The following PAK4 variants were observed in gnomAD, a reference collection of about 807,000 sequenced individuals.
PAK4 encodes the protein serine/threonine-protein kinase PAK 4.
A neutral mutation model predicts 53.5 loss-of-function variants in PAK4; 49 were observed. The ratio of observed to expected loss-of-function variants is 0.92; its 90% CI spans 0.73 to 1.16. The LOEUF (loss-of-function observed/expected upper bound fraction) is 1.16. Among genes scored for constraint, PAK4 ranks in the 50% most tolerant of loss-of-function variants. PAK4 has a pLI of 0.00. For synonymous variants in PAK4, 376 were observed against 375.6 expected (o/e 1.00, Z -0.01); for missense variants, 824 against 850.7 (o/e 0.97, Z 0.39).
exon 3 of PAK4, chr19:39,172,920 C>G: frequency 6.5e-7 from 1 of 1,528,746 alleles, no homozygotes; most frequent in Non-Finnish European, 8.8e-7. Flanking sequence ...GACCCCAGAC[C>G]ATCGTGCGGG....
downstream of PAK4, chr19:39,181,899 TCAGACCAGCGGTTCTCACAGTGTGGTTCC>T (rs2074703782): frequency 7.0e-6 from 1 of 143,086 alleles, no homozygotes; most frequent in Admixed American, 7.0e-5. Context: ...TGCAACCAGG[TCAGACCAGCGGTTCTCACAGTGTGGTTCC>T]CAGACCAGCA....
Position 39,177,814 on chromosome 19 carries a change from GC to G in PAK4, c.1620+9del. ...CGACTGAAGAACCTGCACAAGGTAGGCCCCTCCCTGGCTGGGAAACTGTGCG... is the reference window on the plus strand; with the variant it reads ...CGACTGAAGAACCTGCACAAGGTAGGCCCTCCCTGGCTGGGAAACTGTGCG... On this transcript the variant is annotated splice_donor_region_variant and intron_variant, in intron 8 of 8. Coordinates refer to ENST00000358301, the Ensembl canonical transcript of PAK4. 2 of 1,604,026 alleles carry G rather than the reference GC, an allele frequency of 1.2e-6. No individual in the cohort carries two copies. Among genetic ancestry groups the G allele is most frequent in the African/African-American group, 1.3e-5 (1 of 74,712 alleles).
At chr19:39,158,079 T>C (rs909329223) in intron 1 of PAK4, among the ~76,000 whole-genome samples, 2 of 76,972 alleles carry the variant, frequency 2.6e-5, no homozygotes, top group African/African-American at 7.1e-5. Context: ...AGCATGCATG[T>C]GTGTGTGTGC....
intron 2 of PAK4, among the ~76,000 whole-genome samples, chr19:39,170,153 C>T (rs192763054): frequency 9.9e-4 from 151 of 152,260 alleles, no homozygotes; most frequent in African/African-American, 2.9e-3. Context: ...AGGGTGACAG[C>T]CCCAAGTGGT....
rs1298305457 is a variant in PAK4, at chr19:39,144,187, TA to T, written c.-23+18269del. Among the ~76,000 whole-genome samples the T allele has an allele frequency of 1.9e-3, 287 of 151,194 alleles. 2 individuals carry two copies. Among genetic ancestry groups the T allele is most frequent in the Middle Eastern group, 6.8e-3 (2 of 294 alleles). ...TAGATTAGATAGATAGATAGATAGATAGATAGATATGGTTAAGTGAGTGGAC... is the reference window on the plus strand; with the variant it reads ...TAGATTAGATAGATAGATAGATAGATGATAGATATGGTTAAGTGAGTGGAC... On this transcript the variant is annotated intron_variant, in intron 1 of 8. Transcript: ENST00000358301.
chr19:39,166,988 C>G (rs908947810), intron 1 of PAK4, among the ~76,000 whole-genome samples: 6 of 152,230 alleles, frequency 3.9e-5, no homozygotes, highest in Admixed American at 3.3e-4. Flanking sequence ...CCCTTGCCCC[C>G]TTCCCTTGGG....
intron 1 of PAK4, among the ~76,000 whole-genome samples, chr19:39,126,701 C>A (rs1265665355): frequency 6.6e-6 from 1 of 152,100 alleles, no homozygotes; most frequent in Non-Finnish European, 1.5e-5. Context: ...GGAGTTCTGG[C>A]CCAGAGCCCT....
intron 1 of PAK4, among the ~76,000 whole-genome samples, chr19:39,138,769 G>A (rs2073862701): frequency 6.6e-6 from 1 of 152,218 alleles, no homozygotes; most frequent in Admixed American, 6.5e-5. Flanking sequence ...GATTTCAAGG[G>A]CTAATTAAAG....
chr19:39,152,566 T>C (rs758233134), intron 1 of PAK4, among the ~76,000 whole-genome samples: 4 of 152,102 alleles, frequency 2.6e-5, no homozygotes, highest in Non-Finnish European at 4.4e-5. Flanking sequence ...AGCTTTACAG[T>C]AAGAACGAAC....
chr19:39,176,394 GC>G, intron 6 of PAK4, 195 bp from the exon 8 acceptor site: 1 of 686,340 alleles, frequency 1.5e-6, no homozygotes, highest in Non-Finnish European at 2.5e-6. Flanking sequence ...GAGGTGACTT[GC>G]CCGAGGGCCC....
intron 1 of PAK4, 113 bp downstream of exon 1, chr19:39,126,032 G>A (rs980098661): frequency 1.3e-5 from 2 of 152,764 alleles, no homozygotes; most frequent in African/African-American, 2.4e-5. Flanking sequence ...CTGGTGGAGG[G>A]AAGGGTCGCG....
In PAK4 at chr19:39,161,286, A is replaced by G. The variant is rs2074279860; in HGVS notation, c.-22-8246A>G. On this transcript the variant is annotated intron_variant, in intron 1 of 8. Coordinates refer to ENST00000358301, the Ensembl canonical transcript of PAK4. This position sits in a 1 kb window ranked among gnomAD's most constrained non-coding sequence, Gnocchi z 4.5. ...GAAGATGGCCACAGACAGGCAAACA[A>G]CTGTAATGTGTGAGGCAACGCTGAG... 6.6e-6 allele frequency among the ~76,000 whole-genome samples: 1 copy of G among 152,188 alleles called. No homozygotes were observed. Among genetic ancestry groups the G allele is most frequent in the Non-Finnish European group, 1.5e-5 (1 of 68,026 alleles).
exon 5 of PAK4, chr19:39,174,983 G>A (rs1158611940): frequency 6.2e-7 from 1 of 1,613,990 alleles, no homozygotes; most frequent in Admixed American, 1.7e-5. Context: ...ATGTACAACA[G>A]CTACCTGGTG....
At chr19:39,171,876 C>T (rs2074487184) in intron 2 of PAK4, among the ~76,000 whole-genome samples, 1 of 152,198 alleles carries the variant, frequency 6.6e-6, no homozygotes, top group African/African-American at 2.4e-5. Flanking sequence ...TCACTGAGCC[C>T]CTGCTGTGCG....
intron 1 of PAK4, among the ~76,000 whole-genome samples, chr19:39,158,821 A>G (rs534508574): frequency 1.3e-5 from 2 of 152,270 alleles, no homozygotes; most frequent in East Asian, 1.9e-4. Flanking sequence ...TTATCAGACA[A>G]TAACAGCCCA....
intron 1 of PAK4, among the ~76,000 whole-genome samples, chr19:39,136,230 C>A (rs569809076): frequency 1.3e-4 from 20 of 151,246 alleles, no homozygotes; most frequent in African/African-American, 4.6e-4. Context: ...CCTTCTCCCC[C>A]ACTGTCCCCA....
intron 1 of PAK4, among the ~76,000 whole-genome samples, chr19:39,127,059 G>A (rs987271475): frequency 5.3e-5 from 8 of 152,094 alleles, no homozygotes; most frequent in Non-Finnish European, 1.2e-4. Context: ...CCTTGGAAGG[G>A]TGTGATCTGG....
At chr19:39,134,068 C>T (rs2145113813) in intron 1 of PAK4, among the ~76,000 whole-genome samples, 1 of 152,334 alleles carries the variant, frequency 6.6e-6, no homozygotes, top group Middle Eastern at 3.4e-3. Context: ...TCCTTCCCTG[C>T]CGCCCACAGG....
At chr19:39,181,100 T>G (rs2074696252), downstream of PAK4, 1 of 152,216 alleles carries the variant, frequency 6.6e-6, no homozygotes, top group Admixed American at 6.6e-5. Flanking sequence ...TTGTTTTGAG[T>G]TTTTTTGTTT....
Sources: allele counts gnomAD v4.1 joint callset (sites outside exome capture counted in the v4.1 genomes callset), GRCh38; gene constraint gnomAD v4.1.1; non-coding constraint Gnocchi (gnomAD v3.1); transcripts MANE v1.5; gene names NCBI Gene and HGNC (gene_info 2026-07-23, HGNC 2026-07-21).